The following CCDC63 variants were observed in gnomAD, a reference collection of about 807,000 sequenced individuals.
CCDC63 encodes the protein coiled-coil domain containing 63.
In CCDC63, 54 loss-of-function variants were observed where a neutral mutation model predicts 63.6. The ratio of observed to expected loss-of-function variants is 0.85; its 90% confidence interval spans 0.68 to 1.07. The LOEUF (loss-of-function observed/expected upper bound fraction) is 1.07. Ranked by LOEUF, CCDC63 falls within the 50% of genes least tolerant of loss-of-function variation. The pLI is 0.00. For missense variants in CCDC63, 637 were observed against 689.6 expected (o/e 0.92, Z 0.86); for synonymous variants, 253 against 266.1 (o/e 0.95, Z 0.48).
intron 8 of CCDC63, among the ~76,000 whole-genome samples, chr12:110,886,981 G>A (rs2071290473): frequency 6.6e-6 from 1 of 152,178 alleles, no homozygotes; most frequent in Non-Finnish European, 1.5e-5. Flanking sequence ...ACAAGGACAA[G>A]TGCAGGTGCT....
intron 1 of CCDC63, among the ~76,000 whole-genome samples, chr12:110,850,893 C>T (rs1359606743): frequency 6.6e-6 from 1 of 152,186 alleles, no homozygotes; most frequent in Non-Finnish European, 1.5e-5. Flanking sequence ...ACCCTTTGCC[C>T]GAGCAGTTCT....
intron 6 of CCDC63, among the ~76,000 whole-genome samples, chr12:110,880,779 ATGG>A (rs201059755): frequency 2.2e-5 from 1 of 45,530 alleles, no homozygotes; most frequent in African/African-American, 7.7e-5. Context: ...GATAATGATG[ATGG>A]TGGTGATGAT....
rs2071178597 is a variant in CCDC63, at chr12:110,880,062, C to G, written c.646C>G (p.Gln216Glu). 1 of 1,613,960 alleles carries G rather than the reference C, an allele frequency of 6.2e-7. No homozygotes were observed. The highest frequency in any genetic ancestry group is 1.3e-5 in the African/African-American group (1 of 74,916). Reference sequence around the variant, plus strand: ...GAAAACCATGAACTTGGCCATTGAGCAATCTTCTCAGGCCTATGAGCAGAG... The same window carrying G: ...GAAAACCATGAACTTGGCCATTGAGGAATCTTCTCAGGCCTATGAGCAGAG... The part of the protein sequence containing the change: ...EKKTMNLAIE[Q>E]SSQAYEQRVE... Residue 216 changes from glutamine to glutamate, a missense_variant, in exon 6 of 12, where the codon CAA becomes GAA. Transcript: ENST00000308208.
At chr12:110,898,842 C>T (rs1182725556) in intron 9 of CCDC63, 91 bp from the exon 10 acceptor site, 35 of 975,078 alleles carry the variant, frequency 3.6e-5, no homozygotes, top group Admixed American at 2.8e-5. Flanking sequence ...TTTGAAAACC[C>T]GCAGTTTGGA....
chr12:110,874,098 A>G (rs1209602119), intron 5 of CCDC63, 137 bp downstream of exon 5: 3 of 1,162,252 alleles, frequency 2.6e-6, no homozygotes, highest in Non-Finnish European at 3.6e-6. Flanking sequence ...TAATGGCCAC[A>G]CAGGCCAGGA....
At chr12:110,848,513 G>A (rs1200889843) in intron 1 of CCDC63, among the ~76,000 whole-genome samples, 4 of 152,150 alleles carry the variant, frequency 2.6e-5, no homozygotes, top group East Asian at 1.9e-4. Context: ...CTATGTATGC[G>A]CATATGGATC....
rs375703708 is a variant in CCDC63 at position 110,873,964 on chromosome 12, A to G, written c.489+3A>G. On this transcript the variant is annotated splice_donor_region_variant and intron_variant, in intron 5 of 11. Transcript: ENST00000308208. ...TTTTGGAAACCCGTTTGAATCTCGT[A>G]TGTAAAGTGTTCTCTGCAGCTCTGC... The G allele has an allele frequency of 2.5e-6, 4 of 1,610,326 alleles. No individual in the cohort carries two copies. The highest frequency in any genetic ancestry group is 3.4e-6 in the Non-Finnish European group (4 of 1,178,648).
chr12:110,895,267 C>T lies in CCDC63; in HGVS notation c.1149+2117C>T, dbSNP rs532060701. Among the ~76,000 whole-genome samples, 3 of 152,318 alleles carry T rather than the reference C, an allele frequency of 2.0e-5. No homozygotes were observed. The South Asian group carries it at 6.2e-4, about 32-fold the overall frequency. ...TAGCTGGGATTACAGGCACGTGCCACCATACCCGGTTAATTTTTTGTATTG... is the reference window on the plus strand; with the variant it reads ...TAGCTGGGATTACAGGCACGTGCCATCATACCCGGTTAATTTTTTGTATTG... On this transcript the variant is annotated intron_variant, in intron 9 of 11. Transcript: ENST00000308208.
chr12:110,888,507 C>G (rs2071313285), intron 8 of CCDC63, among the ~76,000 whole-genome samples: 1 of 152,188 alleles, frequency 6.6e-6, no homozygotes, highest in South Asian at 2.1e-4. Context: ...AGAACAGTAG[C>G]TTCCAAGCTC....
chr12:110,862,654 T>C (rs2070870471), intron 4 of CCDC63, among the ~76,000 whole-genome samples: 1 of 152,166 alleles, frequency 6.6e-6, no homozygotes, highest in Non-Finnish European at 1.5e-5. Context: ...GGCCCAACTC[T>C]AGTGGGGGCG....
chr12:110,877,403 A>G (rs527951792), intron 5 of CCDC63, among the ~76,000 whole-genome samples: 2 of 152,050 alleles, frequency 1.3e-5, no homozygotes, highest in East Asian at 2.0e-4. Context: ...TAGTAGAGAC[A>G]GGGTTTCACC....
chr12:110,876,720 A>T (rs901617912), intron 5 of CCDC63, among the ~76,000 whole-genome samples: 4 of 152,042 alleles, frequency 2.6e-5, no homozygotes, highest in African/African-American at 9.7e-5. Context: ...CTTTTAAAAA[A>T]ACTTAAAAAA....
intron 8 of CCDC63, among the ~76,000 whole-genome samples, chr12:110,884,768 C>T (rs1258558782): frequency 1.3e-5 from 2 of 151,970 alleles, no homozygotes; most frequent in African/African-American, 2.4e-5. Flanking sequence ...TTCACTGCAA[C>T]CTCCACCTCC....
chr12:110,901,741 T>C (rs1020755612), intron 10 of CCDC63, among the ~76,000 whole-genome samples: 4 of 152,196 alleles, frequency 2.6e-5, no homozygotes, highest in Non-Finnish European at 5.9e-5. Flanking sequence ...TCCATCCATG[T>C]TGTTGCAAAT....
At chr12:110,866,230 G>A (rs950237965) in intron 4 of CCDC63, among the ~76,000 whole-genome samples, 6 of 151,630 alleles carry the variant, frequency 4.0e-5, no homozygotes, top group Admixed American at 1.3e-4. Context: ...CACCTGCCTC[G>A]GCCTCCCAAA....
At chr12:110,872,123 C>A (rs2071075825) in intron 4 of CCDC63, among the ~76,000 whole-genome samples, 3 of 152,190 alleles carry the variant, frequency 2.0e-5, no homozygotes, top group Admixed American at 6.5e-5. Context: ...TTACCTAGAA[C>A]AGGGCCAGCA....
chr12:110,874,361 G>A (rs908108185), intron 5 of CCDC63, among the ~76,000 whole-genome samples: 3 of 152,164 alleles, frequency 2.0e-5, no homozygotes, highest in Non-Finnish European at 4.4e-5. Flanking sequence ...CTGAGAATGA[G>A]TAGGCATAGA....
intron 8 of CCDC63, among the ~76,000 whole-genome samples, chr12:110,890,431 T>C (rs1307647228): frequency 6.6e-6 from 1 of 152,214 alleles, no homozygotes; most frequent in East Asian, 1.9e-4. Context: ...TCTTCCTGAT[T>C]TGGGTTTGTA....
chr12:110,901,019 G>T (rs1356902684), intron 10 of CCDC63, among the ~76,000 whole-genome samples: 2 of 152,198 alleles, frequency 1.3e-5, no homozygotes, highest in East Asian at 1.9e-4. Context: ...CACACATATG[G>T]CTATGATTTA....
Sources: gnomAD v4.1 joint callset for allele counts (sites outside exome capture counted in the v4.1 genomes callset) on GRCh38, gnomAD v4.1.1 for gene constraint, MANE v1.5 for transcripts, NCBI Gene and HGNC (gene_info 2026-07-23, HGNC 2026-07-21) for gene names.